Variants in GSE1 observed in about 807,000 individuals in gnomAD.
The protein encoded by GSE1 is Gse1 coiled-coil protein.
A neutral mutation model predicts 112.6 loss-of-function variants in GSE1; 32 were observed. That is an observed-to-expected ratio of 0.28 (90% CI 0.21 to 0.38). The LOEUF is 0.38. GSE1 is among the 10% of genes least tolerant of loss of function. The pLI is 1.00. For synonymous variants in GSE1, 1,115 were observed against 735.6 expected, an observed-to-expected ratio of 1.52 and a Z score of -8.35; for missense variants, 2,348 against 1,699.2, an observed-to-expected ratio of 1.38 and a Z score of -6.71.
At chr16:85,189,458 G>A (rs1224678238) in intron 1 of GSE1, among the ~76,000 whole-genome samples, 1 of 152,176 alleles carries the variant, frequency 6.6e-6, no homozygotes. Context: ...CACTGCACTT[G>A]GCAAAATCAC....
chr16:85,344,356 C>T (rs1349449061), intron 1 of GSE1, among the ~76,000 whole-genome samples: 6 of 152,140 alleles, frequency 3.9e-5, no homozygotes, highest in South Asian at 4.1e-4. Flanking sequence ...TGCTTTTGCC[C>T]GGAACCCTGG....
chr16:85,647,536 C>A (rs1405732433), intron 2 of GSE1, among the ~76,000 whole-genome samples: 1 of 152,206 alleles, frequency 6.6e-6, no homozygotes, highest in Non-Finnish European at 1.5e-5. Flanking sequence ...GCTTCCTCAG[C>A]CACCACCGCA....
intron 2 of GSE1, among the ~76,000 whole-genome samples, chr16:85,480,842 A>G (rs1179420675): frequency 6.6e-6 from 1 of 152,134 alleles, no homozygotes; most frequent in Non-Finnish European, 1.5e-5. Context: ...CCTGAGGCCC[A>G]GAGACCTCTG....
chr16:85,528,799 A>G (rs1341591629), intron 2 of GSE1, among the ~76,000 whole-genome samples: 4 of 152,102 alleles, frequency 2.6e-5, no homozygotes, highest in African/African-American at 9.7e-5. Flanking sequence ...TCTTGTTCCA[A>G]CATGATTATT....
At chr16:85,332,119 G>T (rs1006356106) in intron 1 of GSE1, among the ~76,000 whole-genome samples, 4 of 152,222 alleles carry the variant, frequency 2.6e-5, no homozygotes, top group African/African-American at 7.2e-5. Flanking sequence ...TGGGGCAGGG[G>T]GCCCAGACTC....
At chr16:85,184,783 A>G (rs2074665839) in intron 1 of GSE1, among the ~76,000 whole-genome samples, 1 of 152,080 alleles carries the variant, frequency 6.6e-6, no homozygotes, top group Admixed American at 6.5e-5. Context: ...ATGGTTATTG[A>G]TTTCTAATTT....
At chr16:85,420,394 G>A (rs570678963) in intron 2 of GSE1, among the ~76,000 whole-genome samples, 1 of 152,084 alleles carries the variant, frequency 6.6e-6, no homozygotes, top group Non-Finnish European at 1.5e-5. Context: ...TTGTAGCTCT[G>A]GCAGCCCTGG....
chr16:85,471,003 G>A (rs2050276766), intron 2 of GSE1, among the ~76,000 whole-genome samples: 1 of 152,232 alleles, frequency 6.6e-6, no homozygotes, highest in East Asian at 1.9e-4. Flanking sequence ...GTGCTGGTGG[G>A]GAGGAGGGCG....
chr16:85,479,452 A>C (rs1282378470), intron 2 of GSE1, among the ~76,000 whole-genome samples: 5 of 151,152 alleles, frequency 3.3e-5, no homozygotes, highest in Non-Finnish European at 5.9e-5. Flanking sequence ...TACAGGCATG[A>C]GCCACCATGC....
At chr16:85,654,672 G>A (rs2051751630) in intron 4 of GSE1, 122 bp from the exon 5 acceptor site, 2 of 748,856 alleles carry the variant, frequency 2.7e-6, no homozygotes, top group East Asian at 5.4e-5. Flanking sequence ...CCTCGTTCGG[G>A]GTGCCAGGAG....
At chr16:85,390,860 A>G (rs928120412) in intron 2 of GSE1, among the ~76,000 whole-genome samples, 7 of 152,204 alleles carry the variant, frequency 4.6e-5, no homozygotes, top group Admixed American at 3.9e-4. Flanking sequence ...ATGTTATGAC[A>G]TTACATTTTT....
intron 13 of GSE1, among the ~76,000 whole-genome samples, 173 bp from the exon 14 acceptor site, chr16:85,667,967 A>T (rs184174610): frequency 0.7 from 106,743 of 151,582 alleles, 37,688 homozygotes; most frequent in East Asian, 0.91. Context: ...GACTTTCTCA[A>T]GTGGCCCAGA....
intron 2 of GSE1, among the ~76,000 whole-genome samples, chr16:85,481,421 A>G (rs1416622901): frequency 2.0e-5 from 3 of 152,320 alleles, no homozygotes; most frequent in South Asian, 2.1e-4. Flanking sequence ...TGAGGGGTGT[A>G]TAGGAGTTTT....
intron 1 of GSE1, among the ~76,000 whole-genome samples, chr16:85,566,821 C>T (rs1343882306): frequency 1.3e-5 from 2 of 152,170 alleles, no homozygotes; most frequent in Non-Finnish European, 2.9e-5. Context: ...AAAGGGGGGC[C>T]GGCAGGGAAC....
upstream of GSE1, among the ~76,000 whole-genome samples, chr16:85,611,837 C>G (rs1397754149): frequency 6.8e-6 from 1 of 147,776 alleles, no homozygotes; most frequent in Non-Finnish European, 1.5e-5. Flanking sequence ...CGCTCGCTCC[C>G]GTCGCAATCC....
intron 1 of GSE1, among the ~76,000 whole-genome samples, chr16:85,254,819 T>TA (rs1906889703): frequency 6.6e-6 from 1 of 152,188 alleles, no homozygotes; most frequent in Admixed American, 6.5e-5. Flanking sequence ...AGCCCACTGT[T>TA]AAACCAAGAC....
chr16:85,233,017 C>T (rs1417581857), intron 1 of GSE1, among the ~76,000 whole-genome samples: 4 of 152,348 alleles, frequency 2.6e-5, no homozygotes, highest in South Asian at 2.1e-4. Flanking sequence ...AGTCGGCAGT[C>T]GAGGGCAGGG....
chr16:85,303,475 CCCGCCGCTGT>C (rs934694842), intron 1 of GSE1, among the ~76,000 whole-genome samples: 3 of 151,592 alleles, frequency 2.0e-5, no homozygotes, highest in African/African-American at 4.9e-5. Flanking sequence ...GCGCCGCACC[CCCGCCGCTGT>C]CCGCCGCTTG....
chr16:85,240,511 G>A (rs573606007), intron 1 of GSE1, among the ~76,000 whole-genome samples: 15 of 152,338 alleles, frequency 9.8e-5, no homozygotes, highest in Admixed American at 7.2e-4. Flanking sequence ...GTTGGGGTTC[G>A]CAGCCCAGGA....
Sources: gnomAD v4.1 joint callset for allele counts (sites outside exome capture counted in the v4.1 genomes callset) on GRCh38, gnomAD v4.1.1 for gene constraint, MANE v1.5 for transcripts, NCBI Gene and HGNC (gene_info 2026-07-23, HGNC 2026-07-21) for gene names.